The following DENND4A variants were observed in gnomAD, a reference collection of about 807,000 sequenced individuals.
The protein encoded by DENND4A is C-myc promoter-binding protein.
DENND4A carries 70 observed loss-of-function variants against 199.3 expected under a neutral mutation model. The observed-to-expected ratio is 0.35, with a 90% confidence interval of 0.29 to 0.43. DENND4A has a LOEUF of 0.43. Among genes scored for constraint, DENND4A ranks in the 20% least tolerant of loss-of-function variants. The pLI is 1.00. For missense variants in DENND4A, 1,723 were observed against 2,255.8 expected, an observed-to-expected ratio of 0.76 and a Z score of 4.78; for synonymous variants, 686 against 766.9, an observed-to-expected ratio of 0.89 and a Z score of 1.74.
chr15:65,741,691 T>G (rs1490567502), intron 5 of DENND4A, 24 bp downstream of exon 5: 1 of 1,594,898 alleles, frequency 6.3e-7, no homozygotes. Flanking sequence ...ATATATGAAG[T>G]ATTGCATGAA....
At chr15:65,785,524 T>C (rs949655618) in intron 1 of DENND4A, among the ~76,000 whole-genome samples, 9 of 146,288 alleles carry the variant, frequency 6.2e-5, no homozygotes, top group Admixed American at 2.7e-4. Context: ...TTAAATTCTT[T>C]TTGTTGTTAT....
chr15:65,713,282 ATAAG>A (rs1206392615), intron 14 of DENND4A, among the ~76,000 whole-genome samples: 6 of 152,234 alleles, frequency 3.9e-5, no homozygotes, highest in African/African-American at 1.4e-4. Context: ...AGATTACAGA[ATAAG>A]TATTTTGTAG....
chr15:65,779,025 A>G (rs1284767369), intron 1 of DENND4A, among the ~76,000 whole-genome samples: 3 of 152,192 alleles, frequency 2.0e-5, no homozygotes, highest in African/African-American at 7.2e-5. Context: ...GCCACTCAGA[A>G]GGCAGAGACA....
intron 12 of DENND4A, among the ~76,000 whole-genome samples, chr15:65,718,644 C>G (rs2075491525): frequency 6.6e-6 from 1 of 151,516 alleles, no homozygotes; most frequent in South Asian, 2.1e-4. Context: ...ACAGAATTGT[C>G]TCCATTGTTC....
chr15:65,668,923 C>T (rs2076132954), intron 27 of DENND4A, among the ~76,000 whole-genome samples: 1 of 152,054 alleles, frequency 6.6e-6, no homozygotes. Flanking sequence ...GTAGTATAGT[C>T]ATGATAAATT....
rs2075981145 is a variant in DENND4A, at chr15:65,664,760, C to T, written c.5360-38G>A. 3.2e-6 allele frequency: 5 copies of T among 1,566,300 alleles called. No individual in the cohort carries two copies. In the East Asian group the frequency reaches 9.0e-5, roughly 28 times the overall value. On this transcript the variant is annotated intron_variant, in intron 30 of 32. Transcript: ENST00000443035. Reference sequence around the variant, plus strand: ...AAAAGAACAGATGAAGGAAAATGTTCTGTGTAGAAAGGAGAAAGAAATTAA... The same window carrying T: ...AAAAGAACAGATGAAGGAAAATGTTTTGTGTAGAAAGGAGAAAGAAATTAA...
intron 11 of DENND4A, among the ~76,000 whole-genome samples, chr15:65,726,754 G>A (rs559657327): frequency 3.7e-4 from 56 of 152,096 alleles, no homozygotes; most frequent in Middle Eastern, 3.4e-3. Context: ...CCAGGAGTTC[G>A]AGACCAGCCT....
At chr15:65,761,049 T>C (rs2076839353) in intron 2 of DENND4A, among the ~76,000 whole-genome samples, 2 of 152,214 alleles carry the variant, frequency 1.3e-5, no homozygotes. Flanking sequence ...TTAGTTCTTT[T>C]GGGTATTTTT....
chr15:65,694,027 A>G (rs2142099830), intron 22 of DENND4A, among the ~76,000 whole-genome samples: 1 of 152,294 alleles, frequency 6.6e-6, no homozygotes, highest in South Asian at 2.1e-4. Context: ...TATTATGGGT[A>G]GCTAAGGATA....
At chr15:65,687,203 A>G (rs2076815564) in intron 23 of DENND4A, among the ~76,000 whole-genome samples, 1 of 152,170 alleles carries the variant, frequency 6.6e-6, no homozygotes, top group Non-Finnish European at 1.5e-5. Context: ...ATTACAATAT[A>G]CATATCTAAT....
chr15:65,772,940 C>A (rs750817277), intron 1 of DENND4A, among the ~76,000 whole-genome samples: 1 of 147,060 alleles, frequency 6.8e-6, no homozygotes, highest in African/African-American at 2.5e-5. Flanking sequence ...ACCTTGCTGG[C>A]ACCCTGATCT....
chr15:65,700,564 G>A lies in DENND4A; in HGVS notation c.2813C>T (p.Thr938Ile). The change falls in exon 20 of 33, where the codon ACT becomes ATT. Residue 938 changes from threonine to isoleucine, a missense_variant. By Grantham distance (89) the Thr-to-Ile change is moderately conservative. This residue lies in a region of DENND4A where 650 missense variants were observed against 738.1 expected (regional missense o/e 0.88). Transcript: ENST00000443035. Reference protein sequence around the residue: ...FNTGLIKVYATDDRSSTGGQS... With the variant: ...FNTGLIKVYAIDDRSSTGGQS... Reference sequence around the variant, plus strand: ...CAAACCTGTACTAGATCTATCATCAGTAGCATATACTTTGATTAAACCCGT... The same window carrying A: ...CAAACCTGTACTAGATCTATCATCAATAGCATATACTTTGATTAAACCCGT... The A allele has an allele frequency of 6.5e-7, 1 of 1,535,466 alleles. No individual in the cohort carries two copies. The highest frequency in any genetic ancestry group is 8.8e-7 in the Non-Finnish European group (1 of 1,139,316).
At chr15:65,755,116 A>G (rs765910100) in intron 3 of DENND4A, among the ~76,000 whole-genome samples, 1 of 152,262 alleles carries the variant, frequency 6.6e-6, no homozygotes, top group Non-Finnish European at 1.5e-5. Context: ...ATGAACCTTG[A>G]AAACATTATG....
At chr15:65,694,152 T>A in intron 22 of DENND4A, among the ~76,000 whole-genome samples, 1 of 152,136 alleles carries the variant, frequency 6.6e-6, no homozygotes, top group East Asian at 1.9e-4. Context: ...CATTAAATTC[T>A]CAAGATAATA....
chr15:65,737,763 A>G lies in DENND4A; in HGVS notation c.984T>C (p.Phe328=). The G allele has an allele frequency of 3.8e-6, 6 of 1,591,816 alleles. No homozygotes were observed. The highest frequency in any genetic ancestry group is 5.1e-6 in the Non-Finnish European group (6 of 1,168,490). Residue 328 remains phenylalanine, a synonymous_variant, in exon 7 of 33, where the codon TTT becomes TTC. Transcript: ENST00000443035. The part of the protein sequence containing the change: ...HWPFFDAFRK[F]LTFLYRYSIS... Reference sequence around the variant, plus strand: ...TGGAATAACGATACAGAAAAGTCAGAAACTTCCTGAATGCATCAAAAAAAG... The same window carrying G: ...TGGAATAACGATACAGAAAAGTCAGGAACTTCCTGAATGCATCAAAAAAAG...
rs761266150 is a variant in DENND4A at position 65,741,749 on chromosome 15, C to T, written c.597G>A (p.Ser199=). The T allele has an allele frequency of 1.4e-5, 22 of 1,612,554 alleles. No homozygotes were observed. The highest frequency in any genetic ancestry group is 1.2e-4 in the South Asian group (11 of 91,050). ...AAGATACAGTGTTCGTCTTTGCCAC[C>T]GATTTTTTATAACACAAGTATACTG... The part of the protein sequence containing the change: ...GSAVYLCYKK[S]VAKTNTVSYK... The change falls in exon 5 of 33, where the codon TCG becomes TCA. Residue 199 remains serine (S), a synonymous_variant. Coordinates refer to ENST00000443035, the MANE Select transcript of DENND4A (RefSeq NM_001320835.1).
Position 65,690,684 on chromosome 15 carries a change from C to G in DENND4A, c.3910G>C (p.Val1304Leu). ...SSLPPNSPKP[V>L]RLTKSKSYTK... ...TAACTTTTAGATTTGGTAAGTCTCACTGGCTTAGGAGAATTAGGAGGCAGA... is the reference window on the plus strand; with the variant it reads ...TAACTTTTAGATTTGGTAAGTCTCAGTGGCTTAGGAGAATTAGGAGGCAGA... Residue 1304 changes from valine to leucine, a missense_variant, in exon 23 of 33, where the codon GTG (valine) becomes CTG (leucine). By Grantham distance (32) the Val-to-Leu change is conservative. Transcript: ENST00000443035. The G allele has an allele frequency of 1.2e-6, 2 of 1,613,704 alleles. No homozygotes were observed. Among genetic ancestry groups the G allele is most frequent in the South Asian group, 2.2e-5 (2 of 91,074 alleles).
At position 65,659,206 on chromosome 15, in the gene DENND4A, G is replaced by C. The variant is rs1218034025; in HGVS notation, c.*2645C>G. 1 of 151,334 alleles carries C rather than the reference G, an allele frequency of 6.6e-6. No individual in the cohort carries two copies. The highest frequency in any genetic ancestry group is 2.4e-5 in the African/African-American group (1 of 41,064). 9.4% of individuals were successfully genotyped at this position (151,334 alleles called of 1,614,324 possible). ...AGTAAGAAAATAAAAGACAGATGCT[G>C]TAGCAAAAGGGCATTTCTCTCCAAC... is the stretch of plus-strand genomic sequence containing the variant. On this transcript the variant is annotated 3_prime_UTR_variant, in exon 33 of 33. Transcript: ENST00000443035.
intron 4 of DENND4A, among the ~76,000 whole-genome samples, chr15:65,749,325 T>C (rs562370145): frequency 6.6e-6 from 1 of 152,290 alleles, no homozygotes; most frequent in South Asian, 2.1e-4. Context: ...AACCACCTCT[T>C]TAACTCTCAA....
Sources: allele counts gnomAD v4.1 joint callset (sites outside exome capture counted in the v4.1 genomes callset), GRCh38; gene constraint gnomAD v4.1.1; regional missense constraint gnomAD v4.1.1; transcripts MANE v1.5; gene names NCBI Gene and HGNC (gene_info 2026-07-23, HGNC 2026-07-21).